RNH1: variants seen among roughly 807,000 people sequenced by gnomAD.
RNH1 encodes ribonuclease inhibitor.
RNH1 carries 38 observed loss-of-function variants against 46.1 expected under a neutral mutation model. The ratio of observed to expected loss-of-function variants is 0.82; its 90% CI spans 0.64 to 1.08. The LOEUF (loss-of-function observed/expected upper bound fraction) is 1.08. Ranked by LOEUF, RNH1 falls within the 50% of genes least tolerant of loss-of-function variation. The probability of loss-of-function intolerance (pLI) is 0.00; values close to 1 mark genes in which losing one functional copy is unlikely to be tolerated. For missense variants in RNH1, 577 were observed against 590.7 expected, an observed-to-expected ratio of 0.98 and a Z score of 0.24; for synonymous variants, 319 against 279.1, an observed-to-expected ratio of 1.14 and a Z score of -1.43.
chr11:505,780 T>C (rs12421457), intron 1 of RNH1: 14,794 of 152,202 alleles, frequency 0.097, 989 homozygotes, highest in Admixed American at 0.19. Context: ...AAACTCAGTA[T>C]GTTGGTCGCA....
Position 499,071 on chromosome 11 carries a change from G to A in RNH1, c.558C>T (p.Gly186=), listed in dbSNP as rs369312738. 100 of 1,613,410 alleles carry A rather than the reference G, an allele frequency of 6.2e-5. 1 individual carries two copies. In the East Asian group the frequency reaches 1.6e-3, roughly 27 times the overall value. Residue 186 remains glycine (G), a synonymous_variant, in exon 6 of 11, where the codon GGC becomes GGT. Transcript: ENST00000354420. The stretch of plus-strand genomic sequence containing the variant: ...TCAGGCCCTGGCACAGCACACGGAC[G>A]CCAGCCTCATTGATGTCGTTGTTGC... ...TVSNNDINEA[G]VRVLCQGLKD... is the part of the protein sequence containing the mutation.
chr11:502,747 G>A lies in RNH1; in HGVS notation c.-87-498C>T, dbSNP rs1206064334. 6.5e-6 allele frequency: 1 copy of A among 153,854 alleles called. No homozygotes were observed. Among genetic ancestry groups the A allele is most frequent in the Non-Finnish European group, 1.5e-5 (1 of 68,938 alleles). The allele number at this position is 153,854 out of a possible 1,614,324, so 9.5% of individuals were successfully genotyped here. On this transcript the variant is annotated intron_variant, in intron 2 of 10. Transcript: ENST00000354420. This position sits in a 1 kb window ranked among gnomAD's most constrained non-coding sequence, Gnocchi z 5.8. ...CAGTGTCCGAAGCAAGACAGAGCAG[G>A]GGGGCGGCCACTTGGGGTGTCAGCT...
chr11:500,738 C>A (rs749047081), intron 3 of RNH1, 84 bp from the exon 4 acceptor site: 2 of 1,440,396 alleles, frequency 1.4e-6, no homozygotes, highest in East Asian at 2.3e-5. Context: ...CAGGTTACAA[C>A]CTATCAGTGG....
Position 495,065 on chromosome 11 carries a change from AGGGCGGGGGTCAGGGTGCC to A in RNH1, c.1128-31_1128-13del. On this transcript the variant is annotated splice_polypyrimidine_tract_variant and intron_variant, in intron 9 of 10. Transcript: ENST00000354420. ...CGCAGTCGGCCAACCTGGGTGAAGC[AGGGCGGGGGTCAGGGTGCC>A]GGGCGTGCCTGGCACCGCACTGACC... 6.2e-7 allele frequency: 1 copy of A among 1,600,708 alleles called. No individual in the cohort carries two copies. The highest frequency in any genetic ancestry group is 8.5e-7 in the Non-Finnish European group (1 of 1,174,998).
At chr11:498,721 C>T (rs752244495) in intron 7 of RNH1, 42 bp downstream of exon 7, 5 of 1,589,716 alleles carry the variant, frequency 3.1e-6, no homozygotes, top group African/African-American at 1.3e-5. Flanking sequence ...GACGGCCCGC[C>T]GCCCGACCCT....
intron 5 of RNH1, chr11:499,564 G>A (rs754884197): frequency 2.1e-5 from 15 of 703,160 alleles, no homozygotes; most frequent in Middle Eastern, 2.3e-4. Context: ...TGTTCCCACC[G>A]TCGGGTCCTG....
In RNH1 at chr11:494,966, G is replaced by A. The variant is rs1427218003; in HGVS notation, c.1215C>T (p.Leu405=). 6.2e-6 allele frequency: 10 copies of A among 1,607,082 alleles called. No homozygotes were observed. The Admixed American group carries it at 1.4e-4, about 22-fold the overall frequency. ...CGGCGTCCCCCAGGCAGTTGTTGCT[G>A]AGGTCCAGCTCACGCAGGCTGTGGT... is the stretch of plus-strand genomic sequence containing the variant. ...LANHSLRELD[L]SNNCLGDAGI... The change falls in exon 10 of 11, where the codon CTC becomes CTT. Residue 405 remains leucine (L), a synonymous_variant. Coordinates refer to ENST00000354420, the MANE Select transcript of RNH1 (RefSeq NM_203387.3).
intron 9 of RNH1, among the ~76,000 whole-genome samples, chr11:496,522 A>G (rs913221334): frequency 8.5e-5 from 13 of 152,220 alleles, no homozygotes; most frequent in Non-Finnish European, 1.9e-4. Flanking sequence ...ACAAAAAATT[A>G]GCCTGGTGTG....
At chr11:497,339 G>A (rs1213051155) in intron 9 of RNH1, among the ~76,000 whole-genome samples, 4 of 135,352 alleles carry the variant, frequency 3.0e-5, no homozygotes, top group East Asian at 2.3e-4. Context: ...TCACTCTCAC[G>A]TGCTCACACA....
At chr11:500,731 G>C in intron 3 of RNH1, 77 bp from the exon 4 acceptor site, 1 of 1,507,770 alleles carries the variant, frequency 6.6e-7, no homozygotes, top group South Asian at 1.1e-5. Context: ...CCACGTGCAG[G>C]TTACAACCTA....
chr11:501,033 C>G lies in RNH1; in HGVS notation c.102-379G>C, dbSNP rs1849702759. On this transcript the variant is annotated intron_variant, in intron 3 of 10. Transcript: ENST00000354420. The surrounding 1 kb of genome is among the most constrained non-coding windows in gnomAD (Gnocchi z 4.1). Reference sequence around the variant, plus strand: ...ATCCCAGCTACTCGGGAGGCTGAGGCAGGAGGATCACTTGAGCCCAGGAGG... The same window carrying G: ...ATCCCAGCTACTCGGGAGGCTGAGGGAGGAGGATCACTTGAGCCCAGGAGG... The G allele has an allele frequency of 2.7e-6, 1 of 363,924 alleles. No homozygotes were observed. Among genetic ancestry groups the G allele is most frequent in the Non-Finnish European group, 5.4e-6 (1 of 186,272 alleles). 22.5% of individuals were successfully genotyped at this position (363,924 alleles called of 1,614,324 possible).
Position 502,402 on chromosome 11 carries a change from G to A in RNH1, c.-87-153C>T, listed in dbSNP as rs946640224. 1 of 570,184 alleles carries A rather than the reference G, an allele frequency of 1.8e-6. No individual in the cohort carries two copies. Among genetic ancestry groups the A allele is most frequent in the African/African-American group, 1.9e-5 (1 of 53,450 alleles). The allele number at this position is 570,184 out of a possible 1,614,324, so 35.3% of individuals were successfully genotyped here. On this transcript the variant is annotated intron_variant, in intron 2 of 10. Transcript: ENST00000354420. The surrounding 1 kb of genome is among the most constrained non-coding windows in gnomAD (Gnocchi z 5.8). Reference sequence around the variant, plus strand: ...AGGGACCAGCACCCACCCCCAGAAAGGCCACCATGGGCAGCAGAGCTTGGG... The same window carrying A: ...AGGGACCAGCACCCACCCCCAGAAAAGCCACCATGGGCAGCAGAGCTTGGG...
rs1848869144 is a variant in RNH1, at chr11:494,611, G to A, written c.*80C>T. ...TCTCTTCAAACCTAGGATATGCAGG[G>A]TGAGAGCATGGCAGGGGCTGGTGGG... On this transcript the variant is annotated 3_prime_UTR_variant, in exon 11 of 11. Transcript: ENST00000354420. The A allele has an allele frequency of 5.0e-6, 6 of 1,207,142 alleles. No homozygotes were observed. The highest frequency in any genetic ancestry group is 3.8e-5 in the Admixed American group (2 of 52,862). The allele number at this position is 1,207,142 out of a possible 1,614,324, so 74.8% of individuals were successfully genotyped here.
chr11:495,322 T>C (rs1451429630), intron 9 of RNH1, among the ~76,000 whole-genome samples: 1 of 151,874 alleles, frequency 6.6e-6, no homozygotes, highest in East Asian at 1.9e-4. Flanking sequence ...AGAGATGTCG[T>C]CCACCCAGAG....
At position 502,506 on chromosome 11, in the gene RNH1, G is replaced by A. The variant is rs1430511413; in HGVS notation, c.-87-257C>T. The A allele has an allele frequency of 7.8e-6, 3 of 383,290 alleles. No individual in the cohort carries two copies. The Admixed American group carries it at 1.1e-4, about 15-fold the overall frequency. The allele number at this position is 383,290 out of a possible 1,614,324, so 23.7% of individuals were successfully genotyped here. A position where few individuals can be genotyped will look rare whatever the true frequency, so the allele number is the denominator to read the frequency against. On this transcript the variant is annotated intron_variant, in intron 2 of 10. Coordinates refer to ENST00000354420, the MANE Select transcript of RNH1 (RefSeq NM_203387.3). The surrounding 1 kb of genome is among the most constrained non-coding windows in gnomAD (Gnocchi z 5.8). ...CCTCCTCCTGCCCCACAGAGGGCGG[G>A]ACAGCAGCAGCCCGGGAAGCCCCTG...
chr11:499,141 G>A lies in RNH1; in HGVS notation c.488C>T (p.Ala163Val), dbSNP rs565166853. ...GTCCGGCTTGGCCCTGAGCACGGAG[G>A]CCAGGGGCTCGCAGCTGGCAGCCGA... ...SLSAASCEPLASVLRAKPDFK... is the reference protein window; with the variant it reads ...SLSAASCEPLVSVLRAKPDFK... Residue 163 changes from alanine (A) to valine (V), a missense_variant, in exon 6 of 11, where the codon GCC becomes GTC. Physicochemically the swap from Ala to Val is moderately conservative, Grantham distance 64. Coordinates refer to ENST00000354420, the MANE Select transcript of RNH1 (RefSeq NM_203387.3). The A allele has an allele frequency of 8.7e-6, 14 of 1,613,170 alleles. No individual in the cohort carries two copies. In the African/African-American group the frequency reaches 1.1e-4, roughly 12 times the overall value.
rs1849819356 is a variant in RNH1 at position 502,267 on chromosome 11, A to G, written c.-87-18T>C. The G allele has an allele frequency of 3.4e-6, 3 of 874,440 alleles. No homozygotes were observed. The highest frequency in any genetic ancestry group is 2.0e-5 in the Admixed American group (1 of 49,084). 54.2% of individuals were successfully genotyped at this position (874,440 alleles called of 1,614,324 possible). A position where few individuals can be genotyped will look rare whatever the true frequency, so the allele number is the denominator to read the frequency against. On this transcript the variant is annotated intron_variant, in intron 2 of 10. Transcript: ENST00000354420. This position sits in a 1 kb window ranked among gnomAD's most constrained non-coding sequence, Gnocchi z 5.8. ...CGGAGATTCTGCAAACAGGACCCAC[A>G]GGGCTGATGTTTCAGGAGGAGCCGC...
At chr11:495,470 G>C (rs1848971881) in intron 9 of RNH1, among the ~76,000 whole-genome samples, 1 of 152,202 alleles carries the variant, frequency 6.6e-6, no homozygotes, top group African/African-American at 2.4e-5. Context: ...GTGGACAACA[G>C]ACTTTAGGCT....
chr11:499,897 C>T lies in RNH1; in HGVS notation c.375G>A (p.Leu125=). ...LQELHLSDNL[L]GDAGLQLLCE... is the part of the protein sequence containing the mutation. The stretch of plus-strand genomic sequence containing the variant: ...AGAGCAGCTGCAGGCCCGCATCCCC[C>T]AAGAGGTTGTCGCTGAGGTGCAGCT... The change falls in exon 5 of 11, where the codon TTG becomes TTA. Residue 125 remains leucine, a synonymous_variant. Transcript: ENST00000354420. 6.2e-7 allele frequency: 1 copy of T among 1,613,302 alleles called. No homozygotes were observed. The highest frequency in any genetic ancestry group is 8.5e-7 in the Non-Finnish European group (1 of 1,179,956).
Sources: allele counts gnomAD v4.1 joint callset (sites outside exome capture counted in the v4.1 genomes callset), GRCh38; gene constraint gnomAD v4.1.1; non-coding constraint Gnocchi (gnomAD v3.1); transcripts MANE v1.5; gene names NCBI Gene and HGNC (gene_info 2026-07-23, HGNC 2026-07-21).